FOXP1: variants seen among roughly 807,000 people sequenced by gnomAD.
FOXP1 encodes the protein forkhead box protein P1.
In FOXP1, 15 loss-of-function variants were observed where a neutral mutation model predicts 98.2. The observed-to-expected ratio is 0.15, with a 90% CI of 0.10 to 0.24. The LOEUF is 0.24. FOXP1 is among the 10% of genes least tolerant of loss of function. The pLI is 1.00. For missense variants in FOXP1, 633 were observed against 848.5 expected (o/e 0.75, Z 3.15); for synonymous variants, 371 against 314.5 (o/e 1.18, Z -1.90).
At chr3:71,242,130 A>G (rs1296278811) in intron 5 of FOXP1, among the ~76,000 whole-genome samples, 1 of 152,230 alleles carries the variant, frequency 6.6e-6, no homozygotes, top group Non-Finnish European at 1.5e-5. Flanking sequence ...TGCAGCAATG[A>G]TAACAATGCA....
chr3:71,159,647 C>T (rs1437150508), intron 6 of FOXP1, among the ~76,000 whole-genome samples: 8 of 152,142 alleles, frequency 5.3e-5, no homozygotes, highest in Non-Finnish European at 1.2e-4. Context: ...TTGAGACCAA[C>T]TGACCTTCAG....
intron 6 of FOXP1, among the ~76,000 whole-genome samples, chr3:71,118,721 G>A (rs2058552756): frequency 6.6e-6 from 1 of 152,026 alleles, no homozygotes; most frequent in Admixed American, 6.6e-5. Context: ...ATATAAGAAT[G>A]GTTTTTGCTT....
intron 5 of FOXP1, among the ~76,000 whole-genome samples, chr3:71,267,082 C>G (rs2069746801): frequency 6.6e-6 from 1 of 150,806 alleles, no homozygotes; most frequent in Non-Finnish European, 1.5e-5. Flanking sequence ...TTGAATAAAT[C>G]CTGTGAGTCA....
intron 2 of FOXP1, chr3:71,580,941 T>G (rs1444506033): frequency 2.0e-6 from 2 of 985,304 alleles, no homozygotes; most frequent in Admixed American, 1.2e-4. Flanking sequence ...GGAAAATACC[T>G]GTGAGCAGAC....
At chr3:71,541,988 A>C (rs781452866) in intron 2 of FOXP1, 9 of 534,140 alleles carry the variant, frequency 1.7e-5, no homozygotes, top group Non-Finnish European at 3.5e-5. Context: ...AGTATGAAAG[A>C]AACCAGCAGT....
chr3:70,956,732 G>GCT lies in FOXP1; in HGVS notation c.*2514_*2515insAG. On this transcript the variant is annotated 3_prime_UTR_variant, in exon 21 of 21. Transcript: ENST00000649528. ...GCACATCATGAAGCTGCCTGGAAAA[G>GCT]TTTTTTTTTTTTTTTTTTTTTTTTT... is the stretch of plus-strand genomic sequence containing the variant. 1 of 31,732 alleles carries GCT rather than the reference G, an allele frequency of 3.2e-5. No individual in the cohort carries two copies. The highest frequency in any genetic ancestry group is 6.3e-5 in the Non-Finnish European group (1 of 15,990). 2.0% of individuals were successfully genotyped at this position (31,732 alleles called of 1,614,324 possible).
At chr3:71,140,772 TTTCG>T (rs2060029482) in intron 6 of FOXP1, among the ~76,000 whole-genome samples, 1 of 152,020 alleles carries the variant, frequency 6.6e-6, no homozygotes, top group Non-Finnish European at 1.5e-5. Context: ...GAGAGGAACT[TTTCG>T]AAAGAGGACT....
chr3:71,348,508 T>TGTGTGC (rs1188851820), intron 4 of FOXP1, among the ~76,000 whole-genome samples: 1 of 51,924 alleles, frequency 1.9e-5, no homozygotes, highest in Non-Finnish European at 4.5e-5. Flanking sequence ...CTGTGTTCAG[T>TGTGTGC]GTGTGTGTGT....
intron 3 of FOXP1, among the ~76,000 whole-genome samples, chr3:71,361,613 A>G (rs1363570073): frequency 6.6e-6 from 1 of 152,214 alleles, no homozygotes; most frequent in African/African-American, 2.4e-5. Flanking sequence ...CTAAGGGGAC[A>G]CTAACTAATT....
intron 2 of FOXP1, among the ~76,000 whole-genome samples, chr3:71,505,443 T>TG (rs1208578386): frequency 1.8e-4 from 22 of 124,974 alleles, no homozygotes; most frequent in Non-Finnish European, 2.9e-4. Flanking sequence ...TTTTTTGAGA[T>TG]GGAGTCTCAC....
intron 11 of FOXP1, among the ~76,000 whole-genome samples, chr3:71,021,963 G>T (rs1161104918): frequency 6.6e-6 from 1 of 152,086 alleles, no homozygotes. Flanking sequence ...TTCTGATGAG[G>T]TCCAATTTAT....
rs760157037 is a variant in FOXP1 at position 71,112,653 on chromosome 3, A to G, written c.181-16T>C. The G allele has an allele frequency of 8.7e-6, 14 of 1,601,834 alleles. No individual in the cohort carries two copies. The highest frequency in any genetic ancestry group is 1.1e-5 in the Non-Finnish European group (13 of 1,168,836). ...CCTGAAGTGCCTGGAAGGAAAAACAAGAAAATCCTTTGCGTTACTACACAG... is the reference window on the plus strand; with the variant it reads ...CCTGAAGTGCCTGGAAGGAAAAACAGGAAAATCCTTTGCGTTACTACACAG... On this transcript the variant is annotated splice_polypyrimidine_tract_variant and intron_variant, in intron 6 of 20. Transcript: ENST00000649528.
At chr3:71,499,088 C>T (rs1257064238) in intron 2 of FOXP1, among the ~76,000 whole-genome samples, 1 of 152,222 alleles carries the variant, frequency 6.6e-6, no homozygotes, top group Non-Finnish European at 1.5e-5. Flanking sequence ...CCCCACCCAG[C>T]TCTGTGTCCT....
At chr3:71,174,179 T>C (rs953449996) in intron 6 of FOXP1, among the ~76,000 whole-genome samples, 3 of 152,220 alleles carry the variant, frequency 2.0e-5, no homozygotes, top group Admixed American at 6.5e-5. Flanking sequence ...AAAAACAATT[T>C]TTTTACTACT....
intron 3 of FOXP1, among the ~76,000 whole-genome samples, chr3:71,411,278 C>CGTGTGTGTGT (rs58267668): frequency 7.9e-4 from 112 of 141,784 alleles, no homozygotes; most frequent in Middle Eastern, 3.6e-3. Flanking sequence ...GCTGAATGGG[C>CGTGTGTGTGT]GTGTGTGTGT....
chr3:71,160,367 T>C (rs893484295), intron 6 of FOXP1, among the ~76,000 whole-genome samples: 1 of 152,170 alleles, frequency 6.6e-6, no homozygotes, highest in Non-Finnish European at 1.5e-5. Flanking sequence ...AGAGAAAATT[T>C]AAGGTAAGAG....
intron 11 of FOXP1, among the ~76,000 whole-genome samples, chr3:71,033,555 A>G (rs1237787502): frequency 1.3e-5 from 2 of 151,236 alleles, no homozygotes; most frequent in African/African-American, 4.9e-5. Flanking sequence ...CTGTTAGAGA[A>G]TAATGGCTGA....
At chr3:71,264,142 G>C (rs2069422034) in intron 5 of FOXP1, among the ~76,000 whole-genome samples, 1 of 152,128 alleles carries the variant, frequency 6.6e-6, no homozygotes, top group South Asian at 2.1e-4. Context: ...TGTAAGTCCA[G>C]AGTTTTAGGG....
intron 9 of FOXP1, among the ~76,000 whole-genome samples, chr3:71,050,070 A>C (rs768664644): frequency 5.9e-4 from 90 of 152,158 alleles, no homozygotes; most frequent in Non-Finnish European, 9.9e-4. Context: ...ATGTTCCTAC[A>C]ATGTCTTGCT....
Sources: allele counts gnomAD v4.1 joint callset (sites outside exome capture counted in the v4.1 genomes callset), GRCh38; gene constraint gnomAD v4.1.1; transcripts MANE v1.5; gene names NCBI Gene and HGNC (gene_info 2026-07-23, HGNC 2026-07-21).